CENPI: variants seen among roughly 807,000 people sequenced by gnomAD.
The protein encoded by CENPI is centromere protein I.
A neutral mutation model predicts 60.4 loss-of-function variants in CENPI; 4 were observed. The ratio of observed to expected loss-of-function variants is 0.07; its 90% CI spans 0.03 to 0.15. The LOEUF (loss-of-function observed/expected upper bound fraction) is 0.15. Ranked by LOEUF, CENPI falls within the 10% of genes least tolerant of loss-of-function variation. The pLI, the probability that CENPI is intolerant of heterozygous loss-of-function variation, is 1.00. For synonymous variants in CENPI, 157 were observed against 189.4 expected, an observed-to-expected ratio of 0.83 and a Z score of 1.40; for missense variants, 444 against 534.5, an observed-to-expected ratio of 0.83 and a Z score of 1.67.
rs1356604350 is a variant in CENPI, at chrX:101,109,972, T to C, written c.565T>C (p.Phe189Leu). 2 of 1,198,724 alleles carry C rather than the reference T, an allele frequency of 1.7e-6. No individual in the cohort carries two copies. Among genetic ancestry groups the C allele is most frequent in the Non-Finnish European group, 2.3e-6 (2 of 884,787 alleles). ...AATTAACTTGCTCTATGGCTTCTTTTTTGCTTCATTGCAAGATGATGCACT... is the reference window on the plus strand; with the variant it reads ...AATTAACTTGCTCTATGGCTTCTTTCTTGCTTCATTGCAAGATGATGCACT... The part of the protein sequence containing the change: ...EQINLLYGFF[F>L]ASLQDDALCP... Residue 189 changes from phenylalanine (F) to leucine (L), a missense_variant, in exon 6 of 22, where the codon TTT becomes CTT. Transcript: ENST00000682095.
chrX:101,151,769 G>A (rs763514955), intron 20 of CENPI, among the ~76,000 whole-genome samples: 2 of 106,359 alleles, frequency 1.9e-5, no homozygotes, highest in South Asian at 8.8e-4. Context: ...AGCAGGCAGA[G>A]GTTGCAGTGA....
intron 3 of CENPI, 40 bp downstream of exon 3, chrX:101,101,336 G>A (rs2082944586): frequency 4.3e-6 from 4 of 938,255 alleles, no homozygotes; most frequent in Non-Finnish European, 4.5e-6. Context: ...TCCTATTTCT[G>A]TAAAAATATT....
chrX:101,147,862 C>A, intron 19 of CENPI, 51 bp downstream of exon 19: 1 of 1,158,496 alleles, frequency 8.6e-7, no homozygotes, highest in Non-Finnish European at 1.2e-6. Flanking sequence ...AAAATTAAGT[C>A]TAGATATATA....
intron 15 of CENPI, among the ~76,000 whole-genome samples, chrX:101,139,922 T>C (rs971490424): frequency 9.2e-6 from 1 of 109,111 alleles, no homozygotes; most frequent in Non-Finnish European, 1.9e-5. Flanking sequence ...GCAAGCTCCT[T>C]CTCCTGGGTT....
At chrX:101,147,210 C>T (rs1271334271) in intron 18 of CENPI, among the ~76,000 whole-genome samples, 1 of 111,007 alleles carries the variant, frequency 9.0e-6, no homozygotes. Context: ...TTTTGAGCCT[C>T]TGTTAATTTT....
At chrX:101,136,087 A>G (rs1436418002) in intron 15 of CENPI, among the ~76,000 whole-genome samples, 1 of 112,177 alleles carries the variant, frequency 8.9e-6, no homozygotes, top group Non-Finnish European at 1.9e-5. Flanking sequence ...CTGATTTTAT[A>G]TTTACCTTCT....
At chrX:101,137,656 T>C (rs1383571187) in intron 15 of CENPI, among the ~76,000 whole-genome samples, 1 of 110,939 alleles carries the variant, frequency 9.0e-6, no homozygotes, top group Non-Finnish European at 1.9e-5. Flanking sequence ...ACTTGAAGCT[T>C]TCCAACTTGA....
intron 12 of CENPI, among the ~76,000 whole-genome samples, chrX:101,129,575 T>C (rs776725233): frequency 8.9e-6 from 1 of 111,948 alleles, no homozygotes; most frequent in South Asian, 3.7e-4. Flanking sequence ...GAATATGATA[T>C]AGTTTATTAG....
chrX:101,161,939 T>G (rs2090111323), intron 21 of CENPI, among the ~76,000 whole-genome samples: 1 of 108,316 alleles, frequency 9.2e-6, no homozygotes, highest in Non-Finnish European at 1.9e-5. Context: ...GCCTGGATTT[T>G]ATTTTATTTT....
chrX:101,115,584 G>A (rs763331712), intron 6 of CENPI, among the ~76,000 whole-genome samples: 14 of 110,759 alleles, frequency 1.3e-4, no homozygotes, highest in Non-Finnish European at 2.1e-4. Flanking sequence ...GGCTGGCCTT[G>A]ATTTTCTGGC....
rs1411104717 is a variant in CENPI at position 101,165,642 on chromosome X, G to C, written c.*2675G>C. ...ACTTTGGATGAGATCACCTAGTACA[G>C]CTAGAGAAGAGAAGGTAGCAAAAGA... is the stretch of plus-strand genomic sequence containing the variant. On this transcript the variant is annotated 3_prime_UTR_variant, in exon 22 of 22. Transcript: ENST00000682095. Among the ~76,000 whole-genome samples, 1 of 111,434 alleles carries C rather than the reference G, an allele frequency of 9.0e-6. No individual in the cohort carries two copies. The highest frequency in any genetic ancestry group is 1.9e-5 in the Non-Finnish European group (1 of 53,133).
chrX:101,164,242 TA>T lies in CENPI; in HGVS notation c.*1278del, dbSNP rs2090134196. Among the ~76,000 whole-genome samples the T allele has an allele frequency of 9.0e-6, 1 of 111,434 alleles. No individual in the cohort carries two copies. The stretch of plus-strand genomic sequence containing the variant: ...TCCATTGACTCATTAATTGATTCAA[TA>T]AATATTTATTGAGCTCCTTTCTCTG... On this transcript the variant is annotated 3_prime_UTR_variant, in exon 22 of 22. Transcript: ENST00000682095.
intron 11 of CENPI, among the ~76,000 whole-genome samples, chrX:101,128,342 A>G (rs1329418098): frequency 9.2e-6 from 1 of 108,903 alleles, no homozygotes; most frequent in African/African-American, 3.3e-5. Context: ...TCAAAATAAA[A>G]AAAAAATTAA....
intron 21 of CENPI, 59 bp downstream of exon 21, chrX:101,161,628 G>T: frequency 4.8e-6 from 5 of 1,048,584 alleles, no homozygotes; most frequent in South Asian, 2.0e-5. Flanking sequence ...TTCATCAAGA[G>T]AATTTATACT....
the CENPI span, among the ~76,000 whole-genome samples, chrX:101,173,583 CTATT>C: frequency 4.5e-5 from 5 of 110,099 alleles, no homozygotes; most frequent in South Asian, 3.9e-4. Flanking sequence ...ATGTATTAAT[CTATT>C]TAAGCACAAT....
At chrX:101,149,663 C>G (rs907122464) in intron 20 of CENPI, among the ~76,000 whole-genome samples, 2 of 110,532 alleles carry the variant, frequency 1.8e-5, no homozygotes, top group African/African-American at 6.6e-5. Context: ...CCCACCACCA[C>G]GCCTGGCTAA....
At chrX:101,170,117 A>G (rs2090153407), downstream of CENPI, among the ~76,000 whole-genome samples, 1 of 111,754 alleles carries the variant, frequency 8.9e-6, no homozygotes, top group Admixed American at 9.6e-5. Flanking sequence ...TCACTGATTC[A>G]CCCAGAGCAA....
intron 2 of CENPI, chrX:101,098,883 A>G (rs1231910533): frequency 4.5e-5 from 5 of 110,530 alleles, no homozygotes; most frequent in Admixed American, 1.9e-4. Flanking sequence ...CCCTTCCCCT[A>G]TGTTTTCCCA....
chrX:101,121,435 C>T (rs932236151), intron 8 of CENPI, among the ~76,000 whole-genome samples: 1 of 110,130 alleles, frequency 9.1e-6, no homozygotes, highest in African/African-American at 3.3e-5. Flanking sequence ...GGATTACAGG[C>T]GCCCACCACC....
Sources: allele counts gnomAD v4.1 joint callset (sites outside exome capture counted in the v4.1 genomes callset), GRCh38; gene constraint gnomAD v4.1.1; transcripts MANE v1.5; gene names NCBI Gene and HGNC (gene_info 2026-07-23, HGNC 2026-07-21).